The following ATP8B4 variants were observed in gnomAD, a reference collection of about 807,000 sequenced individuals.
The protein encoded by ATP8B4 is ATPase phospholipid transporting 8B4 (putative).
A neutral mutation model predicts 145.6 loss-of-function variants in ATP8B4; 133 were observed. The ratio of observed to expected loss-of-function variants is 0.91; its 90% CI spans 0.79 to 1.05. ATP8B4 has a LOEUF of 1.05. ATP8B4 is among the 50% of genes least tolerant of loss of function. ATP8B4 has a pLI of 0.00. For synonymous variants in ATP8B4, 507 were observed against 492.9 expected (o/e 1.03, Z -0.38); for missense variants, 1,458 against 1,425.2 (o/e 1.02, Z -0.37).
At chr15:50,093,554 A>G (rs1193952714) in intron 2 of ATP8B4, among the ~76,000 whole-genome samples, 2 of 152,090 alleles carry the variant, frequency 1.3e-5, no homozygotes, top group Non-Finnish European at 2.9e-5. Context: ...CTAGAATAAT[A>G]AAAATATTTG....
intron 1 of ATP8B4, among the ~76,000 whole-genome samples, chr15:50,148,707 A>G (rs1206047782): frequency 6.6e-6 from 1 of 152,242 alleles, no homozygotes; most frequent in African/African-American, 2.4e-5. Flanking sequence ...GTACTCTGTA[A>G]TAGCAGCACA....
At chr15:50,138,200 A>G (rs903470064) in intron 1 of ATP8B4, among the ~76,000 whole-genome samples, 2 of 152,126 alleles carry the variant, frequency 1.3e-5, no homozygotes, top group African/African-American at 2.4e-5. Context: ...TTGGGACTCA[A>G]TCCTTCTGTT....
At chr15:50,153,719 G>A (rs1466084966) in intron 1 of ATP8B4, among the ~76,000 whole-genome samples, 5 of 152,102 alleles carry the variant, frequency 3.3e-5, no homozygotes, top group African/African-American at 1.2e-4. Flanking sequence ...AGCAAAAACT[G>A]AACTTCTGAG....
intron 7 of ATP8B4, among the ~76,000 whole-genome samples, chr15:50,010,170 A>G (rs1230213560): frequency 6.6e-6 from 1 of 152,178 alleles, no homozygotes; most frequent in Non-Finnish European, 1.5e-5. Context: ...CAGAAACAAT[A>G]CAATAACTTG....
In ATP8B4 at chr15:50,039,312, A is replaced by C. The variant is rs2051089482; in HGVS notation, c.301-483T>G. On this transcript the variant is annotated intron_variant, in intron 5 of 27. Coordinates refer to ENST00000284509, the MANE Select transcript of ATP8B4 (RefSeq NM_024837.4). Reference sequence around the variant, plus strand: ...TTCTCCAGAAACTCTAATTGTTAACAGTGATCTTATGAAGTACTGAGCATT... The same window carrying C: ...TTCTCCAGAAACTCTAATTGTTAACCGTGATCTTATGAAGTACTGAGCATT... 3.9e-5 allele frequency among the ~76,000 whole-genome samples: 6 copies of C among 152,358 alleles called. No individual in the cohort carries two copies. The South Asian group carries it at 1.2e-3, about 32-fold the overall frequency.
intron 1 of ATP8B4, among the ~76,000 whole-genome samples, chr15:50,155,891 G>A (rs2153681235): frequency 6.6e-6 from 1 of 151,610 alleles, no homozygotes; most frequent in Non-Finnish European, 1.5e-5. Context: ...GTCATCTAAT[G>A]AAGGCTGTGA....
chr15:50,147,168 C>A (rs553255801), intron 1 of ATP8B4, among the ~76,000 whole-genome samples: 1 of 152,216 alleles, frequency 6.6e-6, no homozygotes, highest in African/African-American at 2.4e-5. Context: ...GTAATCCCAG[C>A]ACTTGGGGAG....
At chr15:50,050,355 T>C (rs1254416034) in intron 3 of ATP8B4, among the ~76,000 whole-genome samples, 1 of 152,230 alleles carries the variant, frequency 6.6e-6, no homozygotes, top group Non-Finnish European at 1.5e-5. Flanking sequence ...TATCTTCATA[T>C]TAAGTTTTGA....
intron 12 of ATP8B4, among the ~76,000 whole-genome samples, chr15:49,974,182 A>T (rs1299849621): frequency 2.0e-5 from 3 of 149,214 alleles, no homozygotes; most frequent in Non-Finnish European, 3.0e-5. Flanking sequence ...TCCCTGGTTC[A>T]AGCAATTCTC....
chr15:49,987,188 C>T (rs78339161), intron 10 of ATP8B4, among the ~76,000 whole-genome samples: 30 of 152,228 alleles, frequency 2.0e-4, no homozygotes, highest in African/African-American at 7.0e-4. Flanking sequence ...GTCAGTAGTT[C>T]CTCATACAGC....
chr15:49,949,479 T>C (rs150462734), intron 14 of ATP8B4, among the ~76,000 whole-genome samples: 7,574 of 152,220 alleles, frequency 0.05, 265 homozygotes, highest in African/African-American at 0.092. Context: ...TGCCTATTGT[T>C]GGTGTAAAGG....
chr15:50,116,243 C>A lies in ATP8B4; in HGVS notation c.-43+2880G>T, dbSNP rs532874936. Among the ~76,000 whole-genome samples the A allele has an allele frequency of 6.6e-5, 10 of 152,196 alleles. No individual in the cohort carries two copies. The South Asian group carries it at 1.0e-3, about 16-fold the overall frequency. ...GACCAGCCTGGGCAACATAGTGAGA[C>A]CCTGTCTGTTCAAGTAAAATAAAAT... On this transcript the variant is annotated intron_variant, in intron 1 of 27. Coordinates refer to ENST00000284509, the MANE Select transcript of ATP8B4 (RefSeq NM_024837.4).
rs535453845 is a variant in ATP8B4 at position 50,051,244 on chromosome 15, A to G, written c.88-3780T>C. Among the ~76,000 whole-genome samples the G allele has an allele frequency of 1.1e-3, 169 of 152,292 alleles. 2 individuals carry two copies. Among genetic ancestry groups the G allele is most frequent in the Non-Finnish European group, 1.1e-3 (75 of 68,016 alleles). ...ACTTCTCCTTGTTGCCTCCATGTGAAGAAGGACGTGTTTGCTTCCCCTTCC... is the reference window on the plus strand; with the variant it reads ...ACTTCTCCTTGTTGCCTCCATGTGAGGAAGGACGTGTTTGCTTCCCCTTCC... On this transcript the variant is annotated intron_variant, in intron 3 of 27. Transcript: ENST00000284509.
chr15:49,998,278 T>C (rs1303647094), intron 8 of ATP8B4, among the ~76,000 whole-genome samples: 4 of 152,294 alleles, frequency 2.6e-5, no homozygotes, highest in Middle Eastern at 6.8e-3. Flanking sequence ...CTGAGTCAAA[T>C]GGTATTTCTA....
intron 4 of ATP8B4, 113 bp downstream of exon 4, chr15:50,047,238 A>G: frequency 1.5e-6 from 1 of 664,714 alleles, no homozygotes; most frequent in Non-Finnish European, 2.6e-6. Context: ...AAATCTGATA[A>G]AGGATGATTG....
chr15:50,052,098 C>T (rs1450672511), intron 3 of ATP8B4, among the ~76,000 whole-genome samples: 1 of 152,204 alleles, frequency 6.6e-6, no homozygotes, highest in Non-Finnish European at 1.5e-5. Context: ...TCCATTTCCA[C>T]TGCCCTGTCC....
At chr15:50,043,815 C>T (rs541458194) in intron 5 of ATP8B4, among the ~76,000 whole-genome samples, 14 of 151,264 alleles carry the variant, frequency 9.3e-5, no homozygotes, top group East Asian at 1.9e-4. Flanking sequence ...TAGCCGGGCG[C>T]GGTGGCGGGC....
At chr15:49,922,128 C>T (rs546471585) in intron 17 of ATP8B4, 49 of 168,616 alleles carry the variant, frequency 2.9e-4, no homozygotes, top group African/African-American at 1.2e-3. Flanking sequence ...TTAAACAATT[C>T]GAAATCAGTA....
chr15:50,127,572 T>C (rs779847280), intron 1 of ATP8B4, among the ~76,000 whole-genome samples: 1 of 152,220 alleles, frequency 6.6e-6, no homozygotes, highest in Admixed American at 6.5e-5. Flanking sequence ...AATTGAGTCA[T>C]GGAGGCCTCA....
Sources: gnomAD v4.1 joint callset for allele counts (sites outside exome capture counted in the v4.1 genomes callset) on GRCh38, gnomAD v4.1.1 for gene constraint, MANE v1.5 for transcripts, NCBI Gene and HGNC (gene_info 2026-07-23, HGNC 2026-07-21) for gene names.